The following LGALS8 variants were observed in gnomAD, a reference collection of about 807,000 sequenced individuals.
The protein encoded by LGALS8 is galectin 8, also known as galectin-8.
Under a neutral mutation model 35.9 loss-of-function variants are expected in LGALS8, and 30 were observed. The observed-to-expected ratio is 0.83, with a 90% CI of 0.62 to 1.13. LGALS8 has a LOEUF of 1.13. LGALS8 is among the 50% of genes most tolerant of loss of function. LGALS8 has a pLI of 0.00. For synonymous variants in LGALS8, 138 were observed against 136.1 expected (o/e 1.01, Z -0.10); for missense variants, 366 against 388.7 (o/e 0.94, Z 0.49).
At chr1:236,528,545 AATT>A (rs1485174363) in intron 2 of LGALS8, among the ~76,000 whole-genome samples, 2 of 68,424 alleles carry the variant, frequency 2.9e-5, no homozygotes, top group South Asian at 5.3e-4. Context: ...TAATGTTTCC[AATT>A]TTTTTTTTTT....
Position 236,526,447 on chromosome 1 carries a change from C to T in LGALS8, c.45+332C>T, listed in dbSNP as rs1445870353. 1 of 194,178 alleles carries T rather than the reference C, an allele frequency of 5.1e-6. No homozygotes were observed. Among genetic ancestry groups the T allele is most frequent in the Non-Finnish European group, 1.1e-5 (1 of 94,900 alleles). The allele number at this position is 194,178 out of a possible 1,614,324, so 12.0% of individuals were successfully genotyped here. On this transcript the variant is annotated intron_variant, in intron 2 of 9. Coordinates refer to ENST00000366584, the MANE Select transcript of LGALS8 (RefSeq NM_201544.4). The surrounding 1 kb of genome is among the most constrained non-coding windows in gnomAD (Gnocchi z 4.6). Reference sequence around the variant, plus strand: ...AAAGGAAAATGGATTTCTTACTCTACAAGTTTTTCATTTTCTTTTTTAATT... The same window carrying T: ...AAAGGAAAATGGATTTCTTACTCTATAAGTTTTTCATTTTCTTTTTTAATT...
chr1:236,531,308 C>T (rs1661128410), intron 2 of LGALS8, among the ~76,000 whole-genome samples: 1 of 151,900 alleles, frequency 6.6e-6, no homozygotes, highest in African/African-American at 2.4e-5. Flanking sequence ...ATTTTCTTTA[C>T]TTATTTATTT....
chr1:236,518,665 T>A (rs982498686), upstream of LGALS8, among the ~76,000 whole-genome samples: 3 of 152,212 alleles, frequency 2.0e-5, no homozygotes, highest in African/African-American at 7.2e-5. Flanking sequence ...TATTTTTTTT[T>A]ATCATTATTG....
intron 1 of LGALS8, chr1:236,524,519 C>A: frequency 2.3e-6 from 1 of 437,588 alleles, no homozygotes; most frequent in Non-Finnish European, 4.7e-6. Flanking sequence ...GCCTCTAACA[C>A]GCTCTTTAGG....
intron 7 of LGALS8, 178 bp downstream of exon 7, chr1:236,542,965 C>T (rs983451147): frequency 6.2e-7 from 1 of 1,614,126 alleles, no homozygotes; most frequent in African/African-American, 1.3e-5. Context: ...GAACTGTCTA[C>T]ACCAAGAGCA....
intron 3 of LGALS8, 29 bp from the exon 4 acceptor site, chr1:236,538,850 A>G: frequency 6.4e-7 from 1 of 1,569,376 alleles, no homozygotes; most frequent in Non-Finnish European, 8.8e-7. Flanking sequence ...CTGAGCACTC[A>G]TGGGGCCCCT....
At chr1:236,538,086 C>CAAA (rs548113542) in intron 3 of LGALS8, among the ~76,000 whole-genome samples, 2 of 50,108 alleles carry the variant, frequency 4.0e-5, no homozygotes, top group East Asian at 6.4e-4. Context: ...GCCTGGGTGA[C>CAAA]AAAAAAAAAA....
At chr1:236,538,225 C>T (rs16833820) in intron 3 of LGALS8, among the ~76,000 whole-genome samples, 92,668 of 151,620 alleles carry the variant, frequency 0.61, 29,253 homozygotes, top group Non-Finnish European at 0.69. Context: ...TACTGAATAC[C>T]TGCTTTGGAT....
intron 2 of LGALS8, among the ~76,000 whole-genome samples, chr1:236,533,398 G>A (rs1359137677): frequency 2.0e-5 from 3 of 150,736 alleles, no homozygotes; most frequent in Admixed American, 6.6e-5. Flanking sequence ...GCAATGGCCC[G>A]ATCTCGGCTC....
At chr1:236,529,800 C>T (rs1258072337) in intron 2 of LGALS8, among the ~76,000 whole-genome samples, 8 of 151,744 alleles carry the variant, frequency 5.3e-5, no homozygotes, top group African/African-American at 1.2e-4. Flanking sequence ...AGGCGCACAC[C>T]GCCACGCCCC....
Position 236,526,209 on chromosome 1 carries a change from C to T in LGALS8, c.45+94C>T. The T allele has an allele frequency of 1.1e-6, 1 of 927,844 alleles. No homozygotes were observed. The highest frequency in any genetic ancestry group is 1.7e-6 in the Non-Finnish European group (1 of 587,510). The allele number at this position is 927,844 out of a possible 1,614,324, so 57.5% of individuals were successfully genotyped here. A position where few individuals can be genotyped will look rare whatever the true frequency, so the allele number is the denominator to read the frequency against. ...TTGGGAGACAGGGCAAGAATAAAAGCCAGTGAACATATTTAAAGCACCTAC... is the reference window on the plus strand; with the variant it reads ...TTGGGAGACAGGGCAAGAATAAAAGTCAGTGAACATATTTAAAGCACCTAC... On this transcript the variant is annotated intron_variant, in intron 2 of 9. Coordinates refer to ENST00000366584, the MANE Select transcript of LGALS8 (RefSeq NM_201544.4). The surrounding 1 kb of genome is among the most constrained non-coding windows in gnomAD (Gnocchi z 4.6).
intron 5 of LGALS8, among the ~76,000 whole-genome samples, chr1:236,540,961 G>C (rs756738829): frequency 2.0e-5 from 3 of 152,212 alleles, no homozygotes; most frequent in Non-Finnish European, 4.4e-5. Context: ...ATAAAATGGA[G>C]TATTTCTGTA....
At position 236,526,188 on chromosome 1, in the gene LGALS8, G is replaced by A; in HGVS notation, c.45+73G>A. On this transcript the variant is annotated intron_variant, in intron 2 of 9. Coordinates refer to ENST00000366584, the MANE Select transcript of LGALS8 (RefSeq NM_201544.4). The surrounding 1 kb of genome is among the most constrained non-coding windows in gnomAD (Gnocchi z 4.6). ...CAATAGAATATTAATTATCCATTGG[G>A]AGACAGGGCAAGAATAAAAGCCAGT... The A allele has an allele frequency of 9.2e-7, 1 of 1,086,342 alleles. No individual in the cohort carries two copies. The highest frequency in any genetic ancestry group is 1.3e-5 in the South Asian group (1 of 75,750). 67.3% of individuals were successfully genotyped at this position (1,086,342 alleles called of 1,614,324 possible).
chr1:236,528,913 T>G (rs1660984641), intron 2 of LGALS8, among the ~76,000 whole-genome samples: 1 of 152,212 alleles, frequency 6.6e-6, no homozygotes, highest in Admixed American at 6.5e-5. Flanking sequence ...AACTGGCCTA[T>G]GTATTTTTTT....
upstream of LGALS8, among the ~76,000 whole-genome samples, chr1:236,519,563 T>C (rs1660495064): frequency 1.3e-5 from 2 of 152,216 alleles, no homozygotes; most frequent in African/African-American, 4.8e-5. Flanking sequence ...GCAATATCTA[T>C]TGTTCTGAAA....
chr1:236,527,928 G>T (rs113450127), intron 2 of LGALS8, among the ~76,000 whole-genome samples: 6,453 of 152,022 alleles, frequency 0.042, 444 homozygotes, highest in African/African-American at 0.14. Context: ...TAGATATGGG[G>T]TTTCACAGTG....
chr1:236,547,590 C>T (rs1346432066), intron 9 of LGALS8, among the ~76,000 whole-genome samples: 1 of 152,022 alleles, frequency 6.6e-6, no homozygotes, highest in Non-Finnish European at 1.5e-5. Context: ...TGGTTCCAGG[C>T]TACAGCTGGA....
At chr1:236,547,729 G>A (rs1326052090) in intron 9 of LGALS8, among the ~76,000 whole-genome samples, 1 of 152,180 alleles carries the variant, frequency 6.6e-6, no homozygotes, top group African/African-American at 2.4e-5. Flanking sequence ...TGCGGCCGAG[G>A]GAGAGGGGCT....
In LGALS8 at chr1:236,548,886, T is replaced by G. The variant is rs1662576802; in HGVS notation, c.*725T>G. 1 of 398,356 alleles carries G rather than the reference T, an allele frequency of 2.5e-6. No individual in the cohort carries two copies. The highest frequency in any genetic ancestry group is 2.1e-5 in the African/African-American group (1 of 48,610). 24.7% of individuals were successfully genotyped at this position (398,356 alleles called of 1,614,324 possible). A position where few individuals can be genotyped will look rare whatever the true frequency, so the allele number is the denominator to read the frequency against. The stretch of plus-strand genomic sequence containing the variant: ...AAAAAACCAAAGCAAAACAAATACA[T>G]GGTGCTGAAATTAACTTGATGCCAA... On this transcript the variant is annotated 3_prime_UTR_variant, in exon 10 of 10. Coordinates refer to ENST00000366584, the MANE Select transcript of LGALS8 (RefSeq NM_201544.4).
Sources: gnomAD v4.1 joint callset for allele counts (sites outside exome capture counted in the v4.1 genomes callset) on GRCh38, gnomAD v4.1.1 for gene constraint, Gnocchi (gnomAD v3.1) non-coding constraint, MANE v1.5 for transcripts, NCBI Gene and HGNC (gene_info 2026-07-23, HGNC 2026-07-21) for gene names.